The following MYT1L variants were observed in gnomAD, a reference collection of about 807,000 sequenced individuals.
MYT1L encodes the protein myelin transcription factor 1 like, also known as myelin transcription factor 1-like protein.
In MYT1L, 12 loss-of-function variants were observed where a neutral mutation model predicts 126.7. The ratio of observed to expected loss-of-function variants is 0.09; its 90% CI spans 0.06 to 0.15. MYT1L has a LOEUF of 0.15. Among genes scored for constraint, MYT1L ranks in the 10% least tolerant of loss-of-function variants. The pLI is 1.00. For missense variants in MYT1L, 979 were observed against 1,585.2 expected, an observed-to-expected ratio of 0.62 and a Z score of 6.49; for synonymous variants, 541 against 604.2, an observed-to-expected ratio of 0.90 and a Z score of 1.53.
intron 4 of MYT1L, among the ~76,000 whole-genome samples, chr2:2,026,935 G>A (rs2065669357): frequency 6.6e-6 from 1 of 152,092 alleles, no homozygotes; most frequent in Admixed American, 6.5e-5. Context: ...CTGAGTGTGG[G>A]GCCCCGTCAC....
At chr2:2,178,298 C>T (rs2091048349) in intron 2 of MYT1L, among the ~76,000 whole-genome samples, 1 of 152,106 alleles carries the variant, frequency 6.6e-6, no homozygotes, top group Non-Finnish European at 1.5e-5. Flanking sequence ...CCCCAGACCC[C>T]CAAGCCATTT....
intron 3 of MYT1L, among the ~76,000 whole-genome samples, chr2:2,154,536 G>A (rs888973076): frequency 2.6e-5 from 4 of 152,194 alleles, no homozygotes; most frequent in Non-Finnish European, 5.9e-5. Flanking sequence ...CAGAAACATG[G>A]ATGGAGCTGG....
In MYT1L at chr2:2,136,579, A is replaced by T. The variant is rs115502839; in HGVS notation, c.-304+36293T>A. On this transcript the variant is annotated intron_variant, in intron 3 of 24. Transcript: ENST00000647738. Reference sequence around the variant, plus strand: ...CTGTTAGCAGAGCTCAATTTCTTTGATGGTTTAAAAATCAATGTATGTTCT... The same window carrying T: ...CTGTTAGCAGAGCTCAATTTCTTTGTTGGTTTAAAAATCAATGTATGTTCT... 7.2e-3 allele frequency among the ~76,000 whole-genome samples: 1,093 copies of T among 152,304 alleles called. 14 individuals carry two copies. The highest frequency in any genetic ancestry group is 0.025 in the African/African-American group (1,033 of 41,562).
chr2:1,869,104 G>A (rs1369975944), intron 18 of MYT1L, among the ~76,000 whole-genome samples: 2 of 152,210 alleles, frequency 1.3e-5, no homozygotes, highest in East Asian at 1.9e-4. Context: ...GTGCCTCACC[G>A]GTCCATGCAC....
At chr2:2,285,736 C>T (rs937708175) in intron 1 of MYT1L, among the ~76,000 whole-genome samples, 2 of 152,200 alleles carry the variant, frequency 1.3e-5, no homozygotes, top group Admixed American at 1.3e-4. Context: ...AGCTGAGAAG[C>T]TACACGTTAG....
intron 5 of MYT1L, among the ~76,000 whole-genome samples, chr2:1,992,300 TC>T (rs1558653187): frequency 6.6e-6 from 1 of 152,172 alleles, no homozygotes; most frequent in African/African-American, 2.4e-5. Flanking sequence ...GGCTAGTTTT[TC>T]CCCCTTTCCC....
intron 21 of MYT1L, among the ~76,000 whole-genome samples, chr2:1,826,262 G>C (rs1463710552): frequency 1.3e-5 from 2 of 152,246 alleles, no homozygotes; most frequent in African/African-American, 4.8e-5. Flanking sequence ...CACGGTGCTC[G>C]GGCATGGGAC....
chr2:1,944,829 G>T (rs1021529154), intron 8 of MYT1L, among the ~76,000 whole-genome samples: 1 of 152,142 alleles, frequency 6.6e-6, no homozygotes, highest in African/African-American at 2.4e-5. Context: ...ACACTCAATA[G>T]GCATTTGCGG....
At chr2:2,232,876 C>T (rs1042951032) in intron 2 of MYT1L, among the ~76,000 whole-genome samples, 2 of 152,186 alleles carry the variant, frequency 1.3e-5, no homozygotes, top group Non-Finnish European at 2.9e-5. Context: ...GCTCCCTTCT[C>T]TCTGATTGTA....
intron 14 of MYT1L, among the ~76,000 whole-genome samples, chr2:1,899,831 G>T (rs1286759433): frequency 6.6e-6 from 1 of 152,220 alleles, no homozygotes; most frequent in Non-Finnish European, 1.5e-5. Flanking sequence ...TAGACTGACA[G>T]ATGGATAGGC....
intron 4 of MYT1L, among the ~76,000 whole-genome samples, chr2:2,020,091 C>T (rs1211207283): frequency 1.3e-5 from 2 of 152,128 alleles, no homozygotes; most frequent in Non-Finnish European, 2.9e-5. Context: ...GCAATCTGCC[C>T]AGCTCAGCCT....
chr2:2,230,672 C>A (rs1249727705), intron 2 of MYT1L, among the ~76,000 whole-genome samples: 1 of 152,164 alleles, frequency 6.6e-6, no homozygotes, highest in African/African-American at 2.4e-5. Flanking sequence ...GGGCTGTCAG[C>A]GGGCTCCACC....
chr2:1,838,796 C>G (rs1020010721), intron 21 of MYT1L, among the ~76,000 whole-genome samples: 2 of 152,184 alleles, frequency 1.3e-5, no homozygotes, highest in Non-Finnish European at 2.9e-5. Context: ...CCCCCAATGA[C>G]GCCTGCCTGT....
intron 10 of MYT1L, among the ~76,000 whole-genome samples, chr2:1,919,814 C>T (rs962818609): frequency 8.5e-5 from 13 of 152,130 alleles, no homozygotes; most frequent in South Asian, 2.1e-4. Flanking sequence ...CTGCAAGCTC[C>T]GCCTCCCAGG....
intron 2 of MYT1L, among the ~76,000 whole-genome samples, chr2:2,217,684 ACAACAACAACAACAACAAC>A: frequency 8.8e-6 from 1 of 113,968 alleles, no homozygotes; most frequent in African/African-American, 4.2e-5. Flanking sequence ...AACAACAACA[ACAACAACAACAACAACAAC>A]AACAAAAAAA....
chr2:1,799,675 A>G (rs2034470517), intron 23 of MYT1L, among the ~76,000 whole-genome samples: 1 of 152,252 alleles, frequency 6.6e-6, no homozygotes, highest in Non-Finnish European at 1.5e-5. Flanking sequence ...AAAGGAGGAA[A>G]TAAATTAAGA....
chr2:1,879,839 A>G (rs1156681747), intron 18 of MYT1L, among the ~76,000 whole-genome samples: 1 of 152,132 alleles, frequency 6.6e-6, no homozygotes, highest in Non-Finnish European at 1.5e-5. Context: ...ATTATTTTAC[A>G]TTTGATTTGA....
intron 3 of MYT1L, among the ~76,000 whole-genome samples, chr2:2,132,299 T>C (rs550202043): frequency 7.2e-5 from 11 of 152,234 alleles, no homozygotes; most frequent in Admixed American, 6.5e-4. Flanking sequence ...TGCAGCACTA[T>C]TTACAATATC....
chr2:2,316,853 G>A (rs758572690), intron 1 of MYT1L, among the ~76,000 whole-genome samples: 54 of 151,528 alleles, frequency 3.6e-4, no homozygotes, highest in African/African-American at 1.2e-3. Flanking sequence ...CTCTGTCACC[G>A]AGGATGGAGT....
Sources: gnomAD v4.1 joint callset for allele counts (sites outside exome capture counted in the v4.1 genomes callset) on GRCh38, gnomAD v4.1.1 for gene constraint, MANE v1.5 for transcripts, NCBI Gene and HGNC (gene_info 2026-07-23, HGNC 2026-07-21) for gene names.